NCK2: variants seen among roughly 807,000 people sequenced by gnomAD.
NCK2 encodes NCK adaptor protein 2, also known as cytoplasmic protein NCK2.
In NCK2, 16 loss-of-function variants were observed where a neutral mutation model predicts 33.9. The ratio of observed to expected loss-of-function variants is 0.47; its 90% CI spans 0.32 to 0.72. The LOEUF (loss-of-function observed/expected upper bound fraction) is 0.72. NCK2 is among the 30% of genes least tolerant of loss of function. The pLI, the probability that NCK2 is intolerant of heterozygous loss-of-function variation, is 0.03. For missense variants in NCK2, 418 were observed against 537.3 expected, an observed-to-expected ratio of 0.78 and a Z score of 2.19; for synonymous variants, 273 against 239.9, an observed-to-expected ratio of 1.14 and a Z score of -1.27.
rs1689217795 is a variant in NCK2 at position 105,744,931 on chromosome 2, G to T, written c.-408G>T. 1.4e-5 allele frequency: 2 copies of T among 146,170 alleles called. No homozygotes were observed. Among genetic ancestry groups the T allele is most frequent in the South Asian group, 3.8e-4 (2 of 5,268 alleles). The allele number at this position is 146,170 out of a possible 1,614,324, so 9.1% of individuals were successfully genotyped here. A position where few individuals can be genotyped will look rare whatever the true frequency, so the allele number is the denominator to read the frequency against. ...ATCGTCAGGCCGGAGCCGCGCGGCCGAGCGGGCGGCGGGCGGAGGGGAGGG... is the reference window on the plus strand; with the variant it reads ...ATCGTCAGGCCGGAGCCGCGCGGCCTAGCGGGCGGCGGGCGGAGGGGAGGG... On this transcript the variant is annotated 5_prime_UTR_variant, in exon 1 of 5. Coordinates refer to ENST00000233154, the MANE Select transcript of NCK2 (RefSeq NM_003581.5).
At chr2:105,865,841 C>T (rs1055636276) in intron 3 of NCK2, among the ~76,000 whole-genome samples, 4 of 152,216 alleles carry the variant, frequency 2.6e-5, no homozygotes, top group Admixed American at 1.3e-4. Flanking sequence ...GAATCATAAT[C>T]TCTGAAATGC....
At chr2:105,838,062 T>C (rs1676497762) in intron 2 of NCK2, among the ~76,000 whole-genome samples, 1 of 152,188 alleles carries the variant, frequency 6.6e-6, no homozygotes, top group Non-Finnish European at 1.5e-5. Context: ...TACATGAGAA[T>C]TCACTGTTAA....
intron 3 of NCK2, among the ~76,000 whole-genome samples, chr2:105,872,221 A>C (rs898600549): frequency 2.0e-5 from 3 of 152,164 alleles, no homozygotes; most frequent in African/African-American, 4.8e-5. Flanking sequence ...CCCTCTCTGC[A>C]GCTACGGGAT....
At chr2:105,879,054 G>A (rs1678355010) in intron 3 of NCK2, among the ~76,000 whole-genome samples, 1 of 152,196 alleles carries the variant, frequency 6.6e-6, no homozygotes, top group African/African-American at 2.4e-5. Flanking sequence ...ATAACGTATT[G>A]TGATGGCCAC....
chr2:105,882,272 G>C (rs900067181), intron 4 of NCK2, among the ~76,000 whole-genome samples: 1 of 152,194 alleles, frequency 6.6e-6, no homozygotes, highest in Non-Finnish European at 1.5e-5. Flanking sequence ...CTAAAAAGAT[G>C]TTTTTAGCTC....
At chr2:105,883,759 G>T (rs557478900) in intron 4 of NCK2, among the ~76,000 whole-genome samples, 1 of 152,324 alleles carries the variant, frequency 6.6e-6, no homozygotes, top group South Asian at 2.1e-4. Context: ...GTTAGAGAAT[G>T]AGCTAACTTT....
intron 1 of NCK2, among the ~76,000 whole-genome samples, chr2:105,766,916 C>CCTG (rs1328681472): frequency 2.6e-4 from 39 of 152,228 alleles, no homozygotes; most frequent in African/African-American, 8.9e-4. Flanking sequence ...GCTCCGTCTT[C>CCTG]CTGCTGCCTG....
At position 105,893,730 on chromosome 2, in the gene NCK2, T is replaced by C. The variant is rs1679095149; in HGVS notation, c.*554T>C. The C allele has an allele frequency of 4.9e-5, 1 of 20,594 alleles. No individual in the cohort carries two copies. The highest frequency in any genetic ancestry group is 7.6e-5 in the Non-Finnish European group (1 of 13,170). The allele number at this position is 20,594 out of a possible 1,614,324, so 1.3% of individuals were successfully genotyped here. A position where few individuals can be genotyped will look rare whatever the true frequency, so the allele number is the denominator to read the frequency against. On this transcript the variant is annotated 3_prime_UTR_variant, in exon 5 of 5. Transcript: ENST00000233154. Reference sequence around the variant, plus strand: ...TGCCCAGTGCCTTTGGGGCTGTGCTTGCAATAAAGAATTTCCTGGAAAGGC... The same window carrying C: ...TGCCCAGTGCCTTTGGGGCTGTGCTCGCAATAAAGAATTTCCTGGAAAGGC...
chr2:105,762,578 G>GA (rs1383452171), intron 1 of NCK2, among the ~76,000 whole-genome samples: 2 of 152,074 alleles, frequency 1.3e-5, no homozygotes, highest in African/African-American at 2.4e-5. Context: ...TTTGGGGTGG[G>GA]AAAAAACATC....
Position 105,881,962 on chromosome 2 carries a change from C to G in NCK2, c.861C>G (p.Tyr287Ter). 6.5e-7 allele frequency: 1 copy of G among 1,537,400 alleles called. No individual in the cohort carries two copies. Among genetic ancestry groups the G allele is most frequent in the Non-Finnish European group, 8.7e-7 (1 of 1,144,182 alleles). The part of the protein sequence containing the change: ...SGRFAGREWY[Y>*]GNVTRHQAEC... Reference sequence around the variant, plus strand: ...GCTTCGCGGGCAGAGAGTGGTACTACGGGAACGTGACGCGGCACCAGGCCG... The same window carrying G: ...GCTTCGCGGGCAGAGAGTGGTACTAGGGGAACGTGACGCGGCACCAGGCCG... The change falls in exon 4 of 5, where the codon TAC (tyrosine) becomes TAG (stop). Residue 287 changes from tyrosine (Y) to a stop codon, truncating the protein, a stop_gained. Transcript: ENST00000233154. LOFTEE classifies it high-confidence loss of function.
intron 2 of NCK2, among the ~76,000 whole-genome samples, chr2:105,847,727 T>C (rs1453292636): frequency 1.3e-5 from 2 of 152,332 alleles, no homozygotes; most frequent in East Asian, 3.9e-4. Context: ...AATTTTTTCA[T>C]TGACTGGTTC....
chr2:105,753,445 G>A (rs1404451998), intron 1 of NCK2, among the ~76,000 whole-genome samples: 1 of 152,240 alleles, frequency 6.6e-6, no homozygotes, highest in Non-Finnish European at 1.5e-5. Flanking sequence ...GGGGAGAACC[G>A]CTGCTGGAGG....
intron 1 of NCK2, among the ~76,000 whole-genome samples, chr2:105,771,274 A>G (rs967893965): frequency 1.2e-4 from 18 of 151,866 alleles, no homozygotes; most frequent in Admixed American, 7.9e-4. Context: ...CTTTCTAGTA[A>G]AAAAACATGA....
chr2:105,826,071 C>A (rs1023131665), intron 2 of NCK2, among the ~76,000 whole-genome samples: 1 of 152,146 alleles, frequency 6.6e-6, no homozygotes, highest in African/African-American at 2.4e-5. Context: ...AAGAACTATG[C>A]GAGACTGGGT....
In NCK2 at chr2:105,858,055, TTTG is replaced by T. The variant is rs1163673338; in HGVS notation, c.226+2769_226+2771del. Among the ~76,000 whole-genome samples, 130 of 99,960 alleles carry T rather than the reference TTTG, an allele frequency of 1.3e-3. 2 individuals carry two copies. Among genetic ancestry groups the T allele is most frequent in the Admixed American group, 0.011 (115 of 10,170 alleles). 65.6% of individuals were successfully genotyped at this position (99,960 alleles called of 152,430 possible). A position where few individuals can be genotyped will look rare whatever the true frequency, so the allele number is the denominator to read the frequency against. ...GTTCTTTGTTTTTTGGGGTTTTTTT[TTTG>T]TTTTTTTTTTTGCTAAAAAGATAGG... On this transcript the variant is annotated intron_variant, in intron 3 of 4. Coordinates refer to ENST00000233154, the MANE Select transcript of NCK2 (RefSeq NM_003581.5).
intron 2 of NCK2, among the ~76,000 whole-genome samples, chr2:105,852,183 C>T (rs1351362052): frequency 6.6e-6 from 1 of 152,156 alleles, no homozygotes; most frequent in African/African-American, 2.4e-5. Context: ...GTCTCTGTGA[C>T]ACAGTCTCCT....
At chr2:105,789,442 G>A (rs894069013) in intron 1 of NCK2, among the ~76,000 whole-genome samples, 2 of 152,150 alleles carry the variant, frequency 1.3e-5, no homozygotes, top group Middle Eastern at 3.2e-3. Flanking sequence ...ACCCGCCTCG[G>A]CCTCCCAAGG....
At chr2:105,808,291 C>T (rs1449839196) in intron 1 of NCK2, among the ~76,000 whole-genome samples, 1 of 152,148 alleles carries the variant, frequency 6.6e-6, no homozygotes, top group African/African-American at 2.4e-5. Context: ...TACCTTATTC[C>T]AGTTGGAAAA....
intron 2 of NCK2, among the ~76,000 whole-genome samples, chr2:105,821,787 T>C (rs1675750180): frequency 7.2e-6 from 1 of 139,252 alleles, no homozygotes; most frequent in South Asian, 2.4e-4. Context: ...TTAAGGAGAC[T>C]GTCCACAGCT....
Sources: allele counts gnomAD v4.1 joint callset (sites outside exome capture counted in the v4.1 genomes callset), GRCh38; gene constraint gnomAD v4.1.1; transcripts MANE v1.5; gene names NCBI Gene and HGNC (gene_info 2026-07-23, HGNC 2026-07-21).